Variants in CNTN5 observed in about 807,000 individuals in gnomAD.
The protein encoded by CNTN5 is contactin 5.
CNTN5 carries 77 observed loss-of-function variants against 129.1 expected under a neutral mutation model. The observed-to-expected ratio is 0.60, with a 90% CI of 0.50 to 0.72. The LOEUF (loss-of-function observed/expected upper bound fraction) is 0.72, where lower values mean the gene tolerates loss of function less well. Among genes scored for constraint, CNTN5 ranks in the 30% least tolerant of loss-of-function variants. The pLI, the probability that CNTN5 is intolerant of heterozygous loss-of-function variation, is 0.00. For missense variants in CNTN5, 1,478 were observed against 1,328.8 expected, an observed-to-expected ratio of 1.11 and a Z score of -1.75; for synonymous variants, 509 against 465.6, an observed-to-expected ratio of 1.09 and a Z score of -1.20.
At chr11:99,221,031 G>A (rs1194761842) in intron 1 of CNTN5, among the ~76,000 whole-genome samples, 2 of 151,900 alleles carry the variant, frequency 1.3e-5, no homozygotes, top group East Asian at 3.9e-4. Context: ...GATTCAATTT[G>A]TTGGAAATGT....
chr11:100,037,106 T>C (rs1431338326), intron 9 of CNTN5, among the ~76,000 whole-genome samples: 7 of 151,998 alleles, frequency 4.6e-5, no homozygotes, highest in Admixed American at 2.0e-4. Context: ...GCTGTGGGTT[T>C]GTCATGGATA....
At chr11:99,374,113 C>G (rs542496800) in intron 2 of CNTN5, among the ~76,000 whole-genome samples, 1 of 152,122 alleles carries the variant, frequency 6.6e-6, no homozygotes, top group Non-Finnish European at 1.5e-5. Context: ...ATTTGCAATT[C>G]GCTAACTGGT....
intron 21 of CNTN5, among the ~76,000 whole-genome samples, chr11:100,328,951 A>T (rs2138981707): frequency 6.6e-6 from 1 of 152,270 alleles, no homozygotes; most frequent in East Asian, 1.9e-4. Flanking sequence ...GAACTGGATC[A>T]CCACTGAAAG....
chr11:99,512,554 C>G (rs1412185331), intron 2 of CNTN5, among the ~76,000 whole-genome samples: 2 of 152,056 alleles, frequency 1.3e-5, no homozygotes, highest in African/African-American at 2.4e-5. Flanking sequence ...TCGTGGAAAC[C>G]CTGTGTCCAG....
At chr11:100,276,552 A>T (rs1339570935) in intron 18 of CNTN5, among the ~76,000 whole-genome samples, 5 of 118,726 alleles carry the variant, frequency 4.2e-5, no homozygotes, top group Non-Finnish European at 8.9e-5. Flanking sequence ...AAAAAAAAAA[A>T]GGAAAGAAAC....
At chr11:100,188,841 A>G (rs548255596) in intron 13 of CNTN5, among the ~76,000 whole-genome samples, 1 of 152,328 alleles carries the variant, frequency 6.6e-6, no homozygotes, top group African/African-American at 2.4e-5. Context: ...GTGCCCATCA[A>G]TGGTGAATTA....
rs138545269 is a variant in CNTN5, at chr11:99,993,279, A to C, written c.878-8755A>C. Among the ~76,000 whole-genome samples the C allele has an allele frequency of 3.5e-3, 531 of 152,318 alleles. 3 individuals are homozygous for C. Among genetic ancestry groups the C allele is most frequent in the African/African-American group, 0.012 (509 of 41,578 alleles). ...TGATCTCAAGAAAATAGCTCTGCACATAAGGTCCGAAAATCCCTAATTTTG... is the reference window on the plus strand; with the variant it reads ...TGATCTCAAGAAAATAGCTCTGCACCTAAGGTCCGAAAATCCCTAATTTTG... On this transcript the variant is annotated intron_variant, in intron 8 of 24. Coordinates refer to ENST00000524871, the MANE Select transcript of CNTN5 (RefSeq NM_014361.4).
intron 2 of CNTN5, among the ~76,000 whole-genome samples, chr11:99,460,474 G>A (rs111423081): frequency 0.012 from 1,846 of 151,776 alleles, 40 homozygotes; most frequent in African/African-American, 0.042. Flanking sequence ...CAGAAATATT[G>A]CAGTAAACAA....
chr11:99,282,798 T>A (rs947358885), intron 1 of CNTN5, among the ~76,000 whole-genome samples: 4 of 152,052 alleles, frequency 2.6e-5, no homozygotes, highest in African/African-American at 4.8e-5. Context: ...AACCCCTACT[T>A]AGATTCCTGC....
At chr11:99,942,629 T>C (rs148981465) in intron 7 of CNTN5, among the ~76,000 whole-genome samples, 57 of 152,128 alleles carry the variant, frequency 3.7e-4, no homozygotes, top group African/African-American at 1.2e-3. Context: ...ATCTAGGTTT[T>C]AAGCCCCACA....
chr11:99,606,793 G>A (rs376580748), intron 3 of CNTN5, among the ~76,000 whole-genome samples: 27 of 140,324 alleles, frequency 1.9e-4, no homozygotes, highest in South Asian at 4.8e-4. Context: ...AAATAATGCC[G>A]CATATCTACA....
chr11:99,527,190 C>T (rs915923687), intron 2 of CNTN5, among the ~76,000 whole-genome samples: 1 of 152,166 alleles, frequency 6.6e-6, no homozygotes, highest in Non-Finnish European at 1.5e-5. Flanking sequence ...ATTGATTGTG[C>T]TTTAGCTTAT....
chr11:100,038,222 T>C (rs1340852087), intron 9 of CNTN5, among the ~76,000 whole-genome samples: 3 of 151,608 alleles, frequency 2.0e-5, no homozygotes, highest in African/African-American at 7.3e-5. Flanking sequence ...CATTTCGTTA[T>C]GTACCCAGTA....
chr11:99,111,362 C>T (rs892006537), intron 1 of CNTN5, among the ~76,000 whole-genome samples: 2 of 151,476 alleles, frequency 1.3e-5, no homozygotes, highest in Non-Finnish European at 2.9e-5. Flanking sequence ...AGTTGGTTGG[C>T]CAAAAAACTT....
At chr11:99,398,746 T>G (rs915517930) in intron 2 of CNTN5, among the ~76,000 whole-genome samples, 1 of 151,962 alleles carries the variant, frequency 6.6e-6, no homozygotes, top group Non-Finnish European at 1.5e-5. Flanking sequence ...TTATCAATTT[T>G]TTTACTTTAA....
At chr11:100,022,114 A>G (rs1174831125) in intron 9 of CNTN5, among the ~76,000 whole-genome samples, 1 of 152,218 alleles carries the variant, frequency 6.6e-6, no homozygotes, top group Non-Finnish European at 1.5e-5. Context: ...GGCAACACCC[A>G]GAAACACCCA....
chr11:99,070,987 G>A lies in CNTN5; in HGVS notation c.-210+49717G>A, dbSNP rs190819199. On this transcript the variant is annotated intron_variant, in intron 1 of 24. Transcript: ENST00000524871. ...ATACAGACTCAATAAGTCTGTGACC[G>A]GTCCTGATATTCTACAAGCTTACAT... Among the ~76,000 whole-genome samples the A allele has an allele frequency of 2.1e-3, 327 of 152,102 alleles. 7 individuals are homozygous for A. Among genetic ancestry groups the A allele is most frequent in the Admixed American group, 0.021 (322 of 15,246 alleles).
At chr11:99,612,463 C>T (rs1232417942) in intron 3 of CNTN5, among the ~76,000 whole-genome samples, 1 of 152,142 alleles carries the variant, frequency 6.6e-6, no homozygotes, top group East Asian at 1.9e-4. Flanking sequence ...ATTACACCAC[C>T]TGTACTATGT....
intron 3 of CNTN5, among the ~76,000 whole-genome samples, chr11:99,767,131 A>C (rs553355475): frequency 2.0e-5 from 3 of 152,024 alleles, no homozygotes; most frequent in African/African-American, 7.2e-5. Flanking sequence ...CTCTTTCTCT[A>C]CTTCTATCTC....
Sources: gnomAD v4.1 joint callset for allele counts (sites outside exome capture counted in the v4.1 genomes callset) on GRCh38, gnomAD v4.1.1 for gene constraint, MANE v1.5 for transcripts, NCBI Gene and HGNC (gene_info 2026-07-23, HGNC 2026-07-21) for gene names.